GRIK2: variants seen among roughly 807,000 people sequenced by gnomAD.
GRIK2 encodes glutamate ionotropic receptor kainate type subunit 2, also known as glutamate receptor ionotropic, kainate 2.
A neutral mutation model predicts 100.3 loss-of-function variants in GRIK2; 32 were observed. The ratio of observed to expected loss-of-function variants is 0.32; its 90% confidence interval spans 0.24 to 0.43. The LOEUF is 0.43. GRIK2 is among the 20% of genes least tolerant of loss of function. GRIK2 has a pLI of 1.00. For missense variants in GRIK2, 843 were observed against 1,114.9 expected, an observed-to-expected ratio of 0.76 and a Z score of 3.47; for synonymous variants, 417 against 389.4, an observed-to-expected ratio of 1.07 and a Z score of -0.83.
chr6:101,846,311 A>G (rs1783809234), intron 10 of GRIK2, among the ~76,000 whole-genome samples: 1 of 152,110 alleles, frequency 6.6e-6, no homozygotes, highest in African/African-American at 2.4e-5. Flanking sequence ...TTAGATCATG[A>G]TAACTTTGGA....
intron 10 of GRIK2, among the ~76,000 whole-genome samples, chr6:101,822,319 A>T (rs1451923126): frequency 6.6e-6 from 1 of 151,688 alleles, no homozygotes; most frequent in Admixed American, 6.6e-5. Flanking sequence ...GGTAATTTTG[A>T]GTTATACTAG....
At chr6:101,938,843 G>T (rs1790775339) in intron 14 of GRIK2, among the ~76,000 whole-genome samples, 1 of 151,904 alleles carries the variant, frequency 6.6e-6, no homozygotes, top group Non-Finnish European at 1.5e-5. Context: ...AATAGTTCAG[G>T]GTTGGCGATA....
intron 4 of GRIK2, among the ~76,000 whole-genome samples, chr6:101,671,087 T>TGTTATTTGATTATTCTGCATTTATGGAA (rs1241837359): frequency 1.4e-4 from 22 of 152,200 alleles, no homozygotes; most frequent in African/African-American, 5.3e-4. Context: ...CACCTAGGGT[T>TGTTATTTGATTATTCTGCATTTATGGAA]GTTATTTGAT....
intron 7 of GRIK2, among the ~76,000 whole-genome samples, chr6:101,721,030 G>C (rs560784442): frequency 7.2e-5 from 11 of 152,150 alleles, no homozygotes; most frequent in South Asian, 2.1e-4. Flanking sequence ...TGAATGTATG[G>C]ATGTAACCAT....
chr6:101,542,490 G>T (rs1776049012), intron 2 of GRIK2, among the ~76,000 whole-genome samples: 1 of 141,864 alleles, frequency 7.0e-6, no homozygotes, highest in Non-Finnish European at 1.6e-5. Flanking sequence ...GCAAGAAGGT[G>T]TTTTGATGCA....
intron 11 of GRIK2, among the ~76,000 whole-genome samples, chr6:101,874,063 A>G (rs979763292): frequency 2.4e-4 from 36 of 151,964 alleles, no homozygotes; most frequent in Non-Finnish European, 4.3e-4. Context: ...TCACTCTGAT[A>G]GTAGTTTCTT....
At chr6:101,864,711 G>T (rs1784942486) in intron 11 of GRIK2, among the ~76,000 whole-genome samples, 1 of 152,028 alleles carries the variant, frequency 6.6e-6, no homozygotes. Flanking sequence ...TTTGAATGTT[G>T]CTATATTTTG....
intron 14 of GRIK2, among the ~76,000 whole-genome samples, chr6:101,952,483 G>A (rs1791659969): frequency 1.3e-5 from 2 of 150,178 alleles, no homozygotes; most frequent in Non-Finnish European, 3.0e-5. Flanking sequence ...TCCAAGTTTT[G>A]TTCAGTTTTT....
intron 10 of GRIK2, among the ~76,000 whole-genome samples, chr6:101,822,271 T>C (rs922593010): frequency 1.4e-5 from 2 of 144,616 alleles, no homozygotes; most frequent in Non-Finnish European, 3.0e-5. Context: ...AATTAAGATA[T>C]AAAAGAAAAG....
intron 7 of GRIK2, among the ~76,000 whole-genome samples, chr6:101,767,754 T>G (rs1408631169): frequency 6.6e-6 from 1 of 152,198 alleles, no homozygotes; most frequent in Non-Finnish European, 1.5e-5. Flanking sequence ...TATAATTCTG[T>G]ACTATTACAA....
intron 2 of GRIK2, among the ~76,000 whole-genome samples, chr6:101,569,489 ATAT>A (rs1216603861): frequency 1.3e-5 from 2 of 151,888 alleles, no homozygotes; most frequent in Non-Finnish European, 2.9e-5. Flanking sequence ...ATAAATATAA[ATAT>A]TATAAAGCTG....
chr6:101,854,634 C>T (rs1224683793), intron 10 of GRIK2, among the ~76,000 whole-genome samples: 1 of 151,956 alleles, frequency 6.6e-6, no homozygotes, highest in Admixed American at 6.5e-5. Context: ...TGTTAAGAAG[C>T]TGATTTTTGC....
At chr6:101,763,955 T>A (rs1777886935) in intron 7 of GRIK2, among the ~76,000 whole-genome samples, 1 of 152,152 alleles carries the variant, frequency 6.6e-6, no homozygotes, top group Non-Finnish European at 1.5e-5. Flanking sequence ...TTGAATGTAT[T>A]ATCTGATTTG....
chr6:102,001,192 T>A (rs1471698228), intron 14 of GRIK2, among the ~76,000 whole-genome samples: 4 of 152,090 alleles, frequency 2.6e-5, no homozygotes, highest in South Asian at 2.1e-4. Flanking sequence ...TTTATTTTTT[T>A]TTTTTTTTCA....
chr6:101,676,840 A>T (rs1582942086), intron 5 of GRIK2, 36 bp downstream of exon 5: 1 of 1,249,124 alleles, frequency 8.0e-7, no homozygotes, highest in East Asian at 2.4e-5. Context: ...TGTTTTCTTC[A>T]TAAACTTGCA....
At chr6:101,620,370 T>G (rs1308499453) in intron 2 of GRIK2, 1 of 156,228 alleles carries the variant, frequency 6.4e-6, no homozygotes, top group Non-Finnish European at 1.4e-5. Context: ...GTTGATTGTT[T>G]TAGTAAGTAC....
At chr6:101,647,153 T>G (rs911792254) in intron 4 of GRIK2, among the ~76,000 whole-genome samples, 30 of 152,014 alleles carry the variant, frequency 2.0e-4, no homozygotes, top group African/African-American at 7.0e-4. Flanking sequence ...ATGTTGAATC[T>G]AATAGTCAGG....
At chr6:101,709,330 C>A (rs755756276) in intron 7 of GRIK2, among the ~76,000 whole-genome samples, 1 of 151,750 alleles carries the variant, frequency 6.6e-6, no homozygotes, top group African/African-American at 2.4e-5. Flanking sequence ...TTAAGCCATC[C>A]TAGTTTGTAG....
chr6:101,991,050 C>T (rs1339825593), intron 14 of GRIK2, among the ~76,000 whole-genome samples: 1 of 151,748 alleles, frequency 6.6e-6, no homozygotes, highest in Non-Finnish European at 1.5e-5. Flanking sequence ...GGTCATTTTC[C>T]ATAAGCTGCT....
Sources: gnomAD v4.1 joint callset for allele counts (sites outside exome capture counted in the v4.1 genomes callset) on GRCh38, gnomAD v4.1.1 for gene constraint, MANE v1.5 for transcripts, NCBI Gene and HGNC (gene_info 2026-07-23, HGNC 2026-07-21) for gene names.